RAB18: variants seen among roughly 807,000 people sequenced by gnomAD.
RAB18 encodes the protein RAB18, member RAS oncogene family.
In RAB18, 10 loss-of-function variants were observed where a neutral mutation model predicts 28.5. The observed-to-expected ratio is 0.35, with a 90% CI of 0.22 to 0.60. RAB18 has a LOEUF of 0.60. Ranked by LOEUF, RAB18 falls within the 20% of genes least tolerant of loss-of-function variation. The pLI, the probability that RAB18 is intolerant of heterozygous loss-of-function variation, is 0.78. For synonymous variants in RAB18, 93 were observed against 86.9 expected, an observed-to-expected ratio of 1.07 and a Z score of -0.39; for missense variants, 188 against 244.2, an observed-to-expected ratio of 0.77 and a Z score of 1.53.
chr10:27,537,051 G>C (rs1230030818), intron 6 of RAB18, among the ~76,000 whole-genome samples: 1 of 152,204 alleles, frequency 6.6e-6, no homozygotes, highest in Non-Finnish European at 1.5e-5. Flanking sequence ...CCAGTAGAGA[G>C]AGCGTTTGGT....
At position 27,541,205 on chromosome 10, in the gene RAB18, C is replaced by G; in HGVS notation, c.*3154C>G. ...CAGCTTTCAGAAGACATTGTTCTGA[C>G]TCCGACCCTGCCGTGTATACTCAAC... On this transcript the variant is annotated 3_prime_UTR_variant, in exon 7 of 7. Transcript: ENST00000356940. The G allele has an allele frequency of 2.2e-6, 1 of 454,036 alleles. No individual in the cohort carries two copies. The highest frequency in any genetic ancestry group is 1.6e-5 in the South Asian group (1 of 64,470). The allele number at this position is 454,036 out of a possible 1,614,324, so 28.1% of individuals were successfully genotyped here.
At position 27,535,936 on chromosome 10, in the gene RAB18, C is replaced by A. The variant is rs1224734643; in HGVS notation, c.446-1940C>A. ...GTCTCTACTAAAAATACAAAAAATTCACCGGGCGTGGTGGCGGGTGCCTGT... is the reference window on the plus strand; with the variant it reads ...GTCTCTACTAAAAATACAAAAAATTAACCGGGCGTGGTGGCGGGTGCCTGT... On this transcript the variant is annotated intron_variant, in intron 6 of 6. Transcript: ENST00000356940. 3.3e-5 allele frequency among the ~76,000 whole-genome samples: 5 copies of A among 151,866 alleles called. No individual in the cohort carries two copies. The East Asian group carries it at 5.8e-4, about 18-fold the overall frequency.
At chr10:27,520,278 T>G (rs1250814943) in intron 2 of RAB18, among the ~76,000 whole-genome samples, 5 of 152,212 alleles carry the variant, frequency 3.3e-5, no homozygotes, top group Non-Finnish European at 7.4e-5. Context: ...TAACGGTTGT[T>G]CATAGTATTC....
At position 27,540,338 on chromosome 10, in the gene RAB18, C is replaced by T. The variant is rs1451514242; in HGVS notation, c.*2287C>T. On this transcript the variant is annotated 3_prime_UTR_variant, in exon 7 of 7. Coordinates refer to ENST00000356940, the MANE Select transcript of RAB18 (RefSeq NM_021252.5). ...AACCCCCAAAGATCACATAGCTACTCAGTCACTGAGCTGGATTCCAGTCAT... is the reference window on the plus strand; with the variant it reads ...AACCCCCAAAGATCACATAGCTACTTAGTCACTGAGCTGGATTCCAGTCAT... 4.4e-6 allele frequency: 2 copies of T among 454,034 alleles called. No individual in the cohort carries two copies. 28.1% of individuals were successfully genotyped at this position (454,034 alleles called of 1,614,324 possible). A position where few individuals can be genotyped will look rare whatever the true frequency, so the allele number is the denominator to read the frequency against.
intron 2 of RAB18, among the ~76,000 whole-genome samples, chr10:27,518,130 T>C (rs1009860938): frequency 6.6e-6 from 1 of 152,226 alleles, no homozygotes; most frequent in African/African-American, 2.4e-5. Flanking sequence ...GGTTTATCTA[T>C]TCATCAATTG....
At chr10:27,515,474 T>C (rs991227154) in intron 2 of RAB18, among the ~76,000 whole-genome samples, 1 of 152,216 alleles carries the variant, frequency 6.6e-6, no homozygotes, top group East Asian at 1.9e-4. Context: ...ATTGTTAAAA[T>C]ATGTGAAAAT....
chr10:27,529,979 T>G (rs1203012154), intron 3 of RAB18, among the ~76,000 whole-genome samples: 1 of 152,038 alleles, frequency 6.6e-6, no homozygotes, highest in Non-Finnish European at 1.5e-5. Context: ...ACATTAAAAC[T>G]TTCTTGCTAT....
chr10:27,520,140 A>G (rs1393301186), intron 2 of RAB18, among the ~76,000 whole-genome samples: 1 of 152,134 alleles, frequency 6.6e-6, no homozygotes, highest in African/African-American at 2.4e-5. Flanking sequence ...AATAAACTTG[A>G]TTGATTACTG....
intron 1 of RAB18, among the ~76,000 whole-genome samples, chr10:27,505,897 CTA>C (rs1837819295): frequency 6.6e-6 from 1 of 152,080 alleles, no homozygotes; most frequent in Non-Finnish European, 1.5e-5. Context: ...TCCTCTGTGT[CTA>C]CTGGAATGAA....
intron 1 of RAB18, among the ~76,000 whole-genome samples, chr10:27,508,101 C>G (rs909317546): frequency 1.3e-5 from 2 of 151,542 alleles, no homozygotes; most frequent in Non-Finnish European, 2.9e-5. Flanking sequence ...AATGGACTCT[C>G]TGTCCCTTTC....
In RAB18 at chr10:27,541,046, A is replaced by G. The variant is rs1205973542; in HGVS notation, c.*2995A>G. 2 of 453,328 alleles carry G rather than the reference A, an allele frequency of 4.4e-6. No homozygotes were observed. The highest frequency in any genetic ancestry group is 2.0e-5 in the African/African-American group (1 of 49,908). The allele number at this position is 453,328 out of a possible 1,614,324, so 28.1% of individuals were successfully genotyped here. ...TGAACTCAACAATTCTTCAGGTATTATAGATCAGAGATCCTCTCCATATTC... is the reference window on the plus strand; with the variant it reads ...TGAACTCAACAATTCTTCAGGTATTGTAGATCAGAGATCCTCTCCATATTC... On this transcript the variant is annotated 3_prime_UTR_variant, in exon 7 of 7. Transcript: ENST00000356940.
In RAB18 at chr10:27,509,857, T is replaced by G. The variant is rs1415267726; in HGVS notation, c.69-18T>G. On this transcript the variant is annotated intron_variant, in intron 1 of 6. Transcript: ENST00000356940. ...GAAAATTCAAGTTCCCAACCTGTCT[T>G]TTTAATATCTCTTTCAGCCTGCTCT... The G allele has an allele frequency of 8.1e-6, 13 of 1,606,790 alleles. No individual in the cohort carries two copies. Among genetic ancestry groups the G allele is most frequent in the African/African-American group, 1.3e-5 (1 of 74,806 alleles).
At chr10:27,532,254 T>A (rs1834803274) in intron 3 of RAB18, among the ~76,000 whole-genome samples, 1 of 152,118 alleles carries the variant, frequency 6.6e-6, no homozygotes, top group Non-Finnish European at 1.5e-5. Context: ...ATTTCATGTA[T>A]GATAAAAGTC....
chr10:27,531,769 G>T lies in RAB18; in HGVS notation c.187-738G>T, dbSNP rs1033606263. ...GAAGGAATTGGGCCCGGAAGTAAAGGCTTGTTAAATAGGTTCATTCTTTTT... is the reference window on the plus strand; with the variant it reads ...GAAGGAATTGGGCCCGGAAGTAAAGTCTTGTTAAATAGGTTCATTCTTTTT... On this transcript the variant is annotated intron_variant, in intron 3 of 6. Transcript: ENST00000356940. Among the ~76,000 whole-genome samples the T allele has an allele frequency of 3.3e-5, 5 of 151,856 alleles. No homozygotes were observed. In the South Asian group the frequency reaches 6.2e-4, roughly 19 times the overall value.
intron 1 of RAB18, among the ~76,000 whole-genome samples, chr10:27,506,721 G>A (rs1033067023): frequency 5.9e-5 from 9 of 152,008 alleles, no homozygotes; most frequent in Admixed American, 5.9e-4. Flanking sequence ...TACTCCTAAA[G>A]TGCTGGGATT....
Position 27,533,991 on chromosome 10 carries a change from A to C in RAB18, c.442A>C (p.Ile148Leu). The C allele has an allele frequency of 6.3e-7, 1 of 1,594,488 alleles. No homozygotes were observed. Among genetic ancestry groups the C allele is most frequent in the Middle Eastern group, 1.7e-4 (1 of 6,028 alleles). ...TGCACGAAAGCATTCCATGTTATTT[A>C]TAGGTAGGTGTGTGAATGAATATCT... ...KFARKHSMLF[I>L]EASAKTCDGV... The change falls in exon 6 of 7, where the codon ATA (isoleucine) becomes CTA (leucine). Residue 148 changes from isoleucine (I) to leucine (L), a missense_variant. Coordinates refer to ENST00000356940, the MANE Select transcript of RAB18 (RefSeq NM_021252.5).
At chr10:27,510,308 G>T in intron 2 of RAB18, 1 of 271,978 alleles carries the variant, frequency 3.7e-6, no homozygotes, top group East Asian at 9.6e-5. Flanking sequence ...TAACAAACTT[G>T]GTCTCTGTCA....
intron 3 of RAB18, chr10:27,531,501 A>T: frequency 6.5e-7 from 1 of 1,542,654 alleles, no homozygotes; most frequent in Non-Finnish European, 8.8e-7. Context: ...GAGGTTTGAT[A>T]CATGTTTTTA....
chr10:27,515,716 A>G (rs1834424313), intron 2 of RAB18, among the ~76,000 whole-genome samples: 1 of 152,038 alleles, frequency 6.6e-6, no homozygotes, highest in South Asian at 2.1e-4. Context: ...CCTGGGTGAC[A>G]GAGCAAGACC....
Sources: gnomAD v4.1 joint callset for allele counts (sites outside exome capture counted in the v4.1 genomes callset) on GRCh38, gnomAD v4.1.1 for gene constraint, MANE v1.5 for transcripts, NCBI Gene and HGNC (gene_info 2026-07-23, HGNC 2026-07-21) for gene names.